The following LIPC variants were observed in gnomAD, a reference collection of about 807,000 sequenced individuals.
LIPC encodes the protein hepatic triacylglycerol lipase.
A neutral mutation model predicts 50.7 loss-of-function variants in LIPC; 44 were observed. The ratio of observed to expected loss-of-function variants is 0.87; its 90% CI spans 0.68 to 1.11. The LOEUF (loss-of-function observed/expected upper bound fraction) is 1.11. Ranked by LOEUF, LIPC falls within the 50% of genes most tolerant of loss-of-function variation. The pLI is 0.00. For synonymous variants in LIPC, 271 were observed against 256.4 expected (o/e 1.06, Z -0.54); for missense variants, 697 against 648.2 (o/e 1.08, Z -0.82).
At chr15:58,501,238 G>A (rs929985473) in intron 1 of LIPC, among the ~76,000 whole-genome samples, 3 of 151,708 alleles carry the variant, frequency 2.0e-5, no homozygotes, top group Non-Finnish European at 2.9e-5. Context: ...AGGCCCCCTC[G>A]CCTATATACC....
intron 1 of LIPC, among the ~76,000 whole-genome samples, chr15:58,450,777 G>C (rs1025128727): frequency 6.6e-6 from 1 of 152,056 alleles, no homozygotes. Flanking sequence ...GAAATGCCTG[G>C]TATTGATAAG....
At chr15:58,466,321 A>C (rs1894562719) in intron 1 of LIPC, among the ~76,000 whole-genome samples, 2 of 152,204 alleles carry the variant, frequency 1.3e-5, no homozygotes, top group Non-Finnish European at 1.5e-5. Context: ...AAATTCCCCC[A>C]CACTCTTTAA....
chr15:58,490,295 C>T (rs371655842), intron 1 of LIPC, among the ~76,000 whole-genome samples: 12 of 152,236 alleles, frequency 7.9e-5, no homozygotes, highest in African/African-American at 2.2e-4. Flanking sequence ...TTCTAAGAGC[C>T]GGTCACCTCC....
intron 1 of LIPC, among the ~76,000 whole-genome samples, chr15:58,502,509 C>CTTTTTTTTTTTTTTTTTTTT (rs11332551): frequency 6.9e-6 from 1 of 144,548 alleles, no homozygotes; most frequent in Non-Finnish European, 1.5e-5. Context: ...GTAATTTTCT[C>CTTTTTTTTTTTTTTTTTTTT]TTTTTTTTTT....
At chr15:58,561,655 T>C (rs1351299434) in intron 7 of LIPC, among the ~76,000 whole-genome samples, 1 of 152,212 alleles carries the variant, frequency 6.6e-6, no homozygotes, top group Non-Finnish European at 1.5e-5. Context: ...CAGGGCCCTT[T>C]CAAAATATGT....
In LIPC at chr15:58,545,925, G is replaced by GC. The variant is rs749271888; in HGVS notation, c.759dup (p.Cys254LeufsTer51). 5.0e-6 allele frequency: 8 copies of GC among 1,614,088 alleles called. No homozygotes were observed. The African/African-American group carries it at 1.1e-4, about 22-fold the overall frequency. ...CCCAACGGGGGCTCCTTCCAGCCTG[G>GC]CTGCCACTTCCTAGAGCTCTACAGA... On this transcript the variant is annotated frameshift_variant, in exon 5 of 9. Coordinates refer to ENST00000299022, the MANE Select transcript of LIPC (RefSeq NM_000236.3). LOFTEE classifies it high-confidence loss of function.
intron 1 of LIPC, among the ~76,000 whole-genome samples, chr15:58,451,333 G>T (rs926973464): frequency 2.4e-4 from 37 of 152,132 alleles, no homozygotes; most frequent in African/African-American, 8.9e-4. Flanking sequence ...AACTTGTGGG[G>T]AATTTATTTA....
intron 1 of LIPC, among the ~76,000 whole-genome samples, chr15:58,433,936 A>C (rs1193388678): frequency 6.6e-6 from 1 of 152,158 alleles, no homozygotes; most frequent in African/African-American, 2.4e-5. Flanking sequence ...GGCTGGTATG[A>C]TGTCTTTCTG....
chr15:58,459,002 T>A (rs10518976), intron 1 of LIPC, among the ~76,000 whole-genome samples: 11,987 of 152,208 alleles, frequency 0.079, 611 homozygotes, highest in South Asian at 0.18. Flanking sequence ...GAGAAAAAGG[T>A]GCTAGGTCAT....
intron 6 of LIPC, among the ~76,000 whole-genome samples, chr15:58,552,419 C>T (rs1893796275): frequency 6.6e-6 from 1 of 152,214 alleles, no homozygotes; most frequent in Non-Finnish European, 1.5e-5. Flanking sequence ...GAGTGCCTCT[C>T]CCTCCTGCGG....
intron 1 of LIPC, among the ~76,000 whole-genome samples, chr15:58,507,025 G>A (rs1892174824): frequency 6.6e-6 from 1 of 152,136 alleles, no homozygotes. Context: ...CAGATCTCGT[G>A]AGAACTCACT....
chr15:58,560,843 T>C, intron 6 of LIPC, 21 bp from the exon 7 acceptor site: 1 of 896,480 alleles, frequency 1.1e-6, no homozygotes, highest in East Asian at 2.4e-5. Flanking sequence ...TCTCTCTTTC[T>C]CTCTCTGTCT....
At chr15:58,538,852 G>A (rs1369688108) in intron 2 of LIPC, among the ~76,000 whole-genome samples, 2 of 152,220 alleles carry the variant, frequency 1.3e-5, no homozygotes, top group African/African-American at 4.8e-5. Context: ...CACACAGGGG[G>A]ACATAGGAAG....
At chr15:58,533,253 A>G (rs899215198) in intron 1 of LIPC, 6 of 732,462 alleles carry the variant, frequency 8.2e-6, no homozygotes, top group Non-Finnish European at 5.0e-6. Context: ...ACTCATAGCT[A>G]AAGCATATCC....
chr15:58,465,058 T>C (rs189083412), intron 1 of LIPC, among the ~76,000 whole-genome samples: 1 of 152,306 alleles, frequency 6.6e-6, no homozygotes, highest in African/African-American at 2.4e-5. Context: ...AATAATACTA[T>C]GGCTGGTTTG....
chr15:58,445,122 T>C (rs1893645976), intron 1 of LIPC, among the ~76,000 whole-genome samples: 1 of 152,142 alleles, frequency 6.6e-6, no homozygotes, highest in South Asian at 2.1e-4. Context: ...TCAGGGAGCC[T>C]GGGCTGGGGA....
Position 58,541,911 on chromosome 15 carries a change from G to T in LIPC, c.400G>T (p.Val134Phe). The T allele has an allele frequency of 6.2e-7, 1 of 1,611,708 alleles. No individual in the cohort carries two copies. The change falls in exon 3 of 9, where the codon GTC becomes TTC. Residue 134 changes from valine to phenylalanine, a missense_variant. By Grantham distance (50) the Val-to-Phe change is conservative. Coordinates refer to ENST00000299022, the MANE Select transcript of LIPC (RefSeq NM_000236.3). ...TLAHDHYTIAVRNTRLVGKEV... is the reference protein window; with the variant it reads ...TLAHDHYTIAFRNTRLVGKEV... Reference sequence around the variant, plus strand: ...GGCCCACGACCACTACACCATCGCCGTCCGCAACACCCGCCTTGTGGGCAA... The same window carrying T: ...GGCCCACGACCACTACACCATCGCCTTCCGCAACACCCGCCTTGTGGGCAA...
intron 2 of LIPC, among the ~76,000 whole-genome samples, chr15:58,540,864 G>T (rs1451115525): frequency 2.6e-5 from 4 of 152,088 alleles, no homozygotes; most frequent in Non-Finnish European, 5.9e-5. Flanking sequence ...AGGGCAGTGT[G>T]ATCTCAGCTC....
chr15:58,492,186 G>C (rs1469992021), intron 1 of LIPC, among the ~76,000 whole-genome samples: 1 of 152,174 alleles, frequency 6.6e-6, no homozygotes, highest in Non-Finnish European at 1.5e-5. Flanking sequence ...CCTGCCCTCA[G>C]TTCCTAGCAG....
Sources: allele counts gnomAD v4.1 joint callset (sites outside exome capture counted in the v4.1 genomes callset), GRCh38; gene constraint gnomAD v4.1.1; transcripts MANE v1.5; gene names NCBI Gene and HGNC (gene_info 2026-07-23, HGNC 2026-07-21).